PI4KA: variants seen among roughly 807,000 people sequenced by gnomAD.
The protein encoded by PI4KA is phosphatidylinositol 4-kinase alpha, also known as PI4-kinase alpha.
In PI4KA, 122 loss-of-function variants were observed where a neutral mutation model predicts 271.4. The observed-to-expected ratio is 0.45, with a 90% CI of 0.39 to 0.52. The LOEUF (loss-of-function observed/expected upper bound fraction) is 0.52. Ranked by LOEUF, PI4KA falls within the 20% of genes least tolerant of loss-of-function variation. PI4KA has a pLI of 0.00. For missense variants in PI4KA, 1,969 were observed against 2,769.1 expected, an observed-to-expected ratio of 0.71 and a Z score of 6.48; for synonymous variants, 1,041 against 1,078.8, an observed-to-expected ratio of 0.96 and a Z score of 0.69.
chr22:20,828,962 C>T (rs962521038), intron 3 of PI4KA, among the ~76,000 whole-genome samples: 4 of 152,184 alleles, frequency 2.6e-5, no homozygotes, highest in Admixed American at 1.3e-4. Context: ...TGCCATGAAT[C>T]ACATTAATTG....
chr22:20,826,037 G>A (rs1923368452), intron 3 of PI4KA, among the ~76,000 whole-genome samples: 1 of 152,100 alleles, frequency 6.6e-6, no homozygotes, highest in Non-Finnish European at 1.5e-5. Context: ...CTCCATCCAT[G>A]TTGCTACAAA....
intron 3 of PI4KA, among the ~76,000 whole-genome samples, chr22:20,824,754 A>G (rs1423138111): frequency 6.6e-6 from 1 of 151,244 alleles, no homozygotes; most frequent in East Asian, 1.9e-4. Flanking sequence ...ACACACACAC[A>G]CACACACACA....
At chr22:20,801,109 C>T (rs913963157) in intron 14 of PI4KA, among the ~76,000 whole-genome samples, 3 of 148,732 alleles carry the variant, frequency 2.0e-5, no homozygotes, top group African/African-American at 4.9e-5. Flanking sequence ...CCAGGCTGGT[C>T]TCGAACTCCT....
chr22:20,726,466 G>T, intron 42 of PI4KA, 22 bp downstream of exon 42: 1 of 1,540,858 alleles, frequency 6.5e-7, no homozygotes, highest in South Asian at 1.3e-5. Context: ...TGAAGAGGAC[G>T]GCCATGCAGG....
At chr22:20,739,562 G>A (rs1468650476) in intron 32 of PI4KA, among the ~76,000 whole-genome samples, 2 of 151,034 alleles carry the variant, frequency 1.3e-5, no homozygotes, top group Non-Finnish European at 1.5e-5. Flanking sequence ...TTATTTAAAT[G>A]TACAATGTCC....
chr22:20,762,761 CT>C (rs1032870990), intron 22 of PI4KA, among the ~76,000 whole-genome samples: 7 of 152,142 alleles, frequency 4.6e-5, no homozygotes, highest in Admixed American at 4.6e-4. Context: ...CTACAAACAG[CT>C]ATACTAACAG....
chr22:20,742,215 G>A lies in PI4KA; in HGVS notation c.3741+13C>T, dbSNP rs1194800601. On this transcript the variant is annotated intron_variant, in intron 32 of 54. Coordinates refer to ENST00000255882, the MANE Select transcript of PI4KA (RefSeq NM_058004.4). ...ATCCCATCCTCACTGCCAACCCGAG[G>A]TCAGGGTCCTACCGGCACTTCCACT... is the stretch of plus-strand genomic sequence containing the variant. 6.2e-7 allele frequency: 1 copy of A among 1,613,264 alleles called. No homozygotes were observed.
intron 42 of PI4KA, 122 bp from the exon 43 acceptor site, chr22:20,721,540 T>A: frequency 1.0e-6 from 1 of 996,032 alleles, no homozygotes; most frequent in Non-Finnish European, 1.5e-6. Context: ...GTGGCTCTAG[T>A]GGTGTGGACA....
intron 29 of PI4KA, among the ~76,000 whole-genome samples, chr22:20,746,709 C>T (rs766847137): frequency 1.8e-4 from 28 of 152,232 alleles, no homozygotes; most frequent in Non-Finnish European, 3.1e-4. Context: ...GGTGGCCCTG[C>T]AGGTGCAGGC....
At chr22:20,836,283 C>T (rs1324197887) in intron 2 of PI4KA, among the ~76,000 whole-genome samples, 3 of 152,056 alleles carry the variant, frequency 2.0e-5, no homozygotes, top group African/African-American at 4.8e-5. Context: ...TGCAGATTCA[C>T]GAATCAAACA....
intron 19 of PI4KA, chr22:20,786,169 C>T (rs1414179584): frequency 6.2e-6 from 10 of 1,613,298 alleles, no homozygotes; most frequent in Non-Finnish European, 7.6e-6. Context: ...CCTTGTCCAC[C>T]CCCGACCCGT....
chr22:20,712,989 C>G (rs58893582), intron 48 of PI4KA, 192 bp from the exon 49 acceptor site: 1 of 628,070 alleles, frequency 1.6e-6, no homozygotes, highest in East Asian at 2.8e-5. Context: ...GACCACCAGG[C>G]CCTGGGCTGA....
intron 42 of PI4KA, 191 bp downstream of exon 42, chr22:20,726,297 A>G: frequency 2.0e-6 from 1 of 504,736 alleles, no homozygotes; most frequent in Non-Finnish European, 3.4e-6. Context: ...CCTCAGGGTG[A>G]GGCAGTGGGT....
At chr22:20,747,380 A>AAT (rs1173094103) in intron 29 of PI4KA, 2 of 460,994 alleles carry the variant, frequency 4.3e-6, no homozygotes, top group Non-Finnish European at 3.8e-6. Flanking sequence ...AAAAAAGCAC[A>AAT]ATAAGGAAAC....
At chr22:20,777,326 C>G (rs560150868) in intron 19 of PI4KA, among the ~76,000 whole-genome samples, 1 of 151,982 alleles carries the variant, frequency 6.6e-6, no homozygotes, top group Admixed American at 6.6e-5. Context: ...AAACGAATCT[C>G]CTGCCTCAGC....
chr22:20,730,934 TG>T (rs1927962290), intron 36 of PI4KA, among the ~76,000 whole-genome samples: 1 of 151,794 alleles, frequency 6.6e-6, no homozygotes, highest in African/African-American at 2.4e-5. Flanking sequence ...CCCAGCACTT[TG>T]GGAGGCTGAG....
At chr22:20,766,793 C>A (rs1002771910) in intron 19 of PI4KA, among the ~76,000 whole-genome samples, 2 of 152,082 alleles carry the variant, frequency 1.3e-5, no homozygotes, top group African/African-American at 4.8e-5. Flanking sequence ...TTTGCTACCC[C>A]CAAACACTTA....
chr22:20,786,367 C>T (rs558062878), intron 19 of PI4KA, among the ~76,000 whole-genome samples: 1 of 152,276 alleles, frequency 6.6e-6, no homozygotes, highest in African/African-American at 2.4e-5. Flanking sequence ...GGGGGGATCC[C>T]AAGAGCAGCC....
intron 19 of PI4KA, among the ~76,000 whole-genome samples, chr22:20,767,188 A>G (rs1932611627): frequency 6.6e-6 from 1 of 152,220 alleles, no homozygotes; most frequent in Non-Finnish European, 1.5e-5. Context: ...CTTGCCTGTA[A>G]TCCCAGCACT....
Sources: gnomAD v4.1 joint callset for allele counts (sites outside exome capture counted in the v4.1 genomes callset) on GRCh38, gnomAD v4.1.1 for gene constraint, MANE v1.5 for transcripts, NCBI Gene and HGNC (gene_info 2026-07-23, HGNC 2026-07-21) for gene names.